Variants in RBFOX1 observed in about 807,000 individuals in gnomAD.
RBFOX1 encodes RNA binding protein fox-1 homolog 1.
A neutral mutation model predicts 57.7 loss-of-function variants in RBFOX1; 8 were observed. The observed-to-expected ratio is 0.14, with a 90% CI of 0.08 to 0.25. RBFOX1 has a LOEUF of 0.25. Among genes scored for constraint, RBFOX1 ranks in the 10% least tolerant of loss-of-function variants. The pLI is 1.00. For synonymous variants in RBFOX1, 326 were observed against 222.4 expected (o/e 1.47, Z -4.15); for missense variants, 611 against 548.5 (o/e 1.11, Z -1.14).
rs905129799 is a variant in RBFOX1, at chr16:5,611,799, C to T, written c.318+12838C>T. Reference sequence around the variant, plus strand: ...CCATCCATCCATCCATCCATCCACCCACCCACCCACCCACCCACCCATTCA... The same window carrying T: ...CCATCCATCCATCCATCCATCCACCTACCCACCCACCCACCCACCCATTCA... On this transcript the variant is annotated intron_variant, in intron 3 of 19. Transcript: ENST00000641259. 2.5e-3 allele frequency among the ~76,000 whole-genome samples: 342 copies of T among 136,372 alleles called. 2 individuals carry two copies. The highest frequency in any genetic ancestry group is 4.8e-3 in the South Asian group (18 of 3,724). The allele number at this position is 136,372 out of a possible 152,430, so 89.5% of individuals were successfully genotyped here. A position where few individuals can be genotyped will look rare whatever the true frequency, so the allele number is the denominator to read the frequency against.
At chr16:7,009,172 C>G (rs1432876424) in intron 3 of RBFOX1, among the ~76,000 whole-genome samples, 1 of 100,174 alleles carries the variant, frequency 1.0e-5, no homozygotes, top group African/African-American at 3.6e-5. Flanking sequence ...CTTCCTTCCT[C>G]TCTTGCTCTT....
intron 1 of RBFOX1, among the ~76,000 whole-genome samples, chr16:5,393,440 A>T (rs1024368700): frequency 6.6e-6 from 1 of 152,308 alleles, no homozygotes; most frequent in African/African-American, 2.4e-5. Flanking sequence ...TGGTTAAGCA[A>T]ATATGCCTTG....
chr16:6,302,234 C>T (rs115828104), intron 1 of RBFOX1, among the ~76,000 whole-genome samples: 252 of 151,932 alleles, frequency 1.7e-3, no homozygotes, highest in African/African-American at 5.6e-3. Flanking sequence ...CTGAACATTT[C>T]GCAAACCTTT....
rs377397628 is a variant in RBFOX1, at chr16:7,168,057, C to G, written c.27+115959C>G. ...GGTTTTTTCCTCCTTAGAGGAAAAA[C>G]ATGAAATGTTCCAGAATAGTTGACA... On this transcript the variant is annotated intron_variant, in intron 4 of 15. Coordinates refer to ENST00000550418, the MANE Select transcript of RBFOX1 (RefSeq NM_018723.4). Among the ~76,000 whole-genome samples, 5 of 152,204 alleles carry G rather than the reference C, an allele frequency of 3.3e-5. No individual in the cohort carries two copies. The East Asian group carries it at 9.7e-4, about 29-fold the overall frequency.
At chr16:5,572,640 A>G (rs1200484396) in intron 2 of RBFOX1, among the ~76,000 whole-genome samples, 2 of 152,198 alleles carry the variant, frequency 1.3e-5, no homozygotes, top group Admixed American at 6.5e-5. Flanking sequence ...GAATCTGTGA[A>G]ATAGTGTAAT....
intron 5 of RBFOX1, among the ~76,000 whole-genome samples, chr16:7,544,473 A>C (rs183267045): frequency 6.6e-6 from 1 of 152,324 alleles, no homozygotes; most frequent in East Asian, 1.9e-4. Context: ...CCTGAATTCA[A>C]TGAGTGTTGT....
At chr16:5,677,253 G>C (rs569360793) in intron 3 of RBFOX1, among the ~76,000 whole-genome samples, 1 of 152,280 alleles carries the variant, frequency 6.6e-6, no homozygotes, top group African/African-American at 2.4e-5. Flanking sequence ...CTAGAGAATA[G>C]GTAGTTCTGC....
chr16:7,615,702 T>C (rs999745792), intron 10 of RBFOX1, among the ~76,000 whole-genome samples: 14 of 152,152 alleles, frequency 9.2e-5, no homozygotes, highest in Non-Finnish European at 1.8e-4. Flanking sequence ...ATTTGTTTCA[T>C]TGTTACATCT....
chr16:6,841,999 C>T (rs554384169), intron 3 of RBFOX1, among the ~76,000 whole-genome samples: 119 of 151,584 alleles, frequency 7.9e-4, no homozygotes, highest in African/African-American at 2.3e-3. Context: ...AAAAATTAGC[C>T]GGGCGTGGTG....
intron 3 of RBFOX1, among the ~76,000 whole-genome samples, chr16:6,825,661 C>T (rs146777964): frequency 6.6e-6 from 1 of 152,080 alleles, no homozygotes; most frequent in Admixed American, 6.5e-5. Context: ...CTGCAGAAAG[C>T]AGGAGTCTTG....
In RBFOX1 at chr16:6,426,270, T is replaced by C. The variant is rs111630687; in HGVS notation, c.-64+109213T>C. On this transcript the variant is annotated intron_variant, in intron 2 of 15. Coordinates refer to ENST00000550418, the MANE Select transcript of RBFOX1 (RefSeq NM_018723.4). ...GCAGGTTCAAAAACAGATGGGGAGATGAAGAGAAAGAGAGAAGGGTGAAGA... is the reference window on the plus strand; with the variant it reads ...GCAGGTTCAAAAACAGATGGGGAGACGAAGAGAAAGAGAGAAGGGTGAAGA... 4.6e-4 allele frequency among the ~76,000 whole-genome samples: 67 copies of C among 146,606 alleles called. 1 individual carries two copies. Among genetic ancestry groups the C allele is most frequent in the African/African-American group, 1.6e-3 (62 of 39,444 alleles).
At position 5,978,647 on chromosome 16, in the gene RBFOX1, G is replaced by C. The variant is rs913240332; in HGVS notation, c.351+111312G>C. Among the ~76,000 whole-genome samples the C allele has an allele frequency of 4.1e-5, 6 of 147,156 alleles. No homozygotes were observed. In the South Asian group the frequency reaches 1.3e-3, roughly 33 times the overall value. ...CTCTGTTATGTGAAAAAGACTCAGAGTCTCAAAGTGTTTTTTTTGTTTTTT... is the reference window on the plus strand; with the variant it reads ...CTCTGTTATGTGAAAAAGACTCAGACTCTCAAAGTGTTTTTTTTGTTTTTT... On this transcript the variant is annotated intron_variant, in intron 4 of 19. Coordinates refer to the RBFOX1 transcript ENST00000641259.
At chr16:5,578,844 C>CTTT (rs57387602) in intron 2 of RBFOX1, among the ~76,000 whole-genome samples, 7 of 109,080 alleles carry the variant, frequency 6.4e-5, no homozygotes, top group African/African-American at 1.0e-4. Flanking sequence ...CACACACACC[C>CTTT]TTTTTTTTTT....
intron 3 of RBFOX1, among the ~76,000 whole-genome samples, chr16:5,772,297 G>T (rs567014533): frequency 6.6e-6 from 1 of 152,286 alleles, no homozygotes; most frequent in Non-Finnish European, 1.5e-5. Context: ...TTACTGGCAG[G>T]CTCCCTCCAT....
At chr16:7,011,457 T>C (rs62016457) in intron 3 of RBFOX1, among the ~76,000 whole-genome samples, 15,773 of 146,188 alleles carry the variant, frequency 0.11, 1,004 homozygotes, top group East Asian at 0.18. Flanking sequence ...GTTGGATTTT[T>C]GTTTGTTTGT....
chr16:7,029,107 C>CACACAT (rs1555788321), intron 3 of RBFOX1, among the ~76,000 whole-genome samples: 4 of 70,572 alleles, frequency 5.7e-5, no homozygotes, highest in Non-Finnish European at 7.5e-5. Flanking sequence ...CACACACACA[C>CACACAT]ACACACACAC....
chr16:7,529,548 T>C (rs1392777566), intron 5 of RBFOX1, among the ~76,000 whole-genome samples: 2 of 152,208 alleles, frequency 1.3e-5, no homozygotes, highest in Non-Finnish European at 2.9e-5. Flanking sequence ...TATAATTTCA[T>C]TGACATATTT....
At chr16:7,140,479 C>T (rs1054201356) in intron 4 of RBFOX1, among the ~76,000 whole-genome samples, 1 of 151,948 alleles carries the variant, frequency 6.6e-6, no homozygotes, top group Non-Finnish European at 1.5e-5. Context: ...ATGATTTCTT[C>T]AATTTATTGT....
intron 4 of RBFOX1, among the ~76,000 whole-genome samples, chr16:7,516,073 G>C (rs924506498): frequency 6.6e-6 from 1 of 152,138 alleles, no homozygotes. Context: ...TCGAACTCCT[G>C]ACCTCAAGTG....
Sources: allele counts gnomAD v4.1 joint callset (sites outside exome capture counted in the v4.1 genomes callset), GRCh38; gene constraint gnomAD v4.1.1; transcripts MANE v1.5; gene names NCBI Gene and HGNC (gene_info 2026-07-23, HGNC 2026-07-21).